The following APOH variants were observed in gnomAD, a reference collection of about 807,000 sequenced individuals.
APOH encodes apolipoprotein H, also known as beta-2-glycoprotein 1.
In APOH, 48 loss-of-function variants were observed where a neutral mutation model predicts 39.8. The ratio of observed to expected loss-of-function variants is 1.21; its 90% CI spans 0.96 to 1.54. APOH has a LOEUF of 1.54. Ranked by LOEUF, APOH falls within the 40% of genes most tolerant of loss-of-function variation. APOH has a pLI of 0.00. For missense variants in APOH, 415 were observed against 421.2 expected, an observed-to-expected ratio of 0.99 and a Z score of 0.13; for synonymous variants, 153 against 151.1, an observed-to-expected ratio of 1.01 and a Z score of -0.09.
chr17:66,222,037 A>G (rs926038157), intron 4 of APOH, among the ~76,000 whole-genome samples: 2 of 152,112 alleles, frequency 1.3e-5, no homozygotes, highest in African/African-American at 4.8e-5. Flanking sequence ...TATGAGAAAT[A>G]CTCATTTAAA....
At chr17:66,213,798 C>T (rs2073348598) in intron 7 of APOH, among the ~76,000 whole-genome samples, 1 of 152,012 alleles carries the variant, frequency 6.6e-6, no homozygotes, top group Non-Finnish European at 1.5e-5. Flanking sequence ...AATAGCTGGA[C>T]ATGGTGGTGC....
chr17:66,215,879 C>A lies in APOH; in HGVS notation c.784+909G>T, dbSNP rs146239499. Among the ~76,000 whole-genome samples the A allele has an allele frequency of 4.8e-3, 726 of 152,292 alleles. 5 individuals carry two copies. Among genetic ancestry groups the A allele is most frequent in the South Asian group, 8.3e-3 (40 of 4,816 alleles). ...CGGAAAAAGTAGGAATAGTTCCTGC[C>A]TTTCAGTTCCAATCTTCAGGAGTAT... On this transcript the variant is annotated intron_variant, in intron 6 of 7. Transcript: ENST00000205948.
chr17:66,225,107 A>G (rs2073432008), intron 3 of APOH, among the ~76,000 whole-genome samples: 1 of 152,066 alleles, frequency 6.6e-6, no homozygotes, highest in Non-Finnish European at 1.5e-5. Flanking sequence ...ATGTCTTCGA[A>G]GCCAATTTTC....
chr17:66,217,013 T>C, intron 5 of APOH, 46 bp from the exon 6 acceptor site: 2 of 1,438,484 alleles, frequency 1.4e-6, no homozygotes, highest in South Asian at 1.5e-5. Flanking sequence ...AATAGTGCTA[T>C]CCAATAGTCA....
At position 66,212,479 on chromosome 17, in the gene APOH, G is replaced by C. The variant is rs144707050; in HGVS notation, c.983-291C>G. On this transcript the variant is annotated intron_variant, in intron 7 of 7. Transcript: ENST00000205948. ...AGCTCACTGCAACCTCTACCTCCCA[G>C]GTTCAAGTGATTCTCCTGTCTCAGC... Among the ~76,000 whole-genome samples, 16 of 152,212 alleles carry C rather than the reference G, an allele frequency of 1.1e-4. No individual in the cohort carries two copies. The East Asian group carries it at 3.1e-3, about 29-fold the overall frequency.
intron 1 of APOH, 57 bp from the exon 2 acceptor site, chr17:66,228,253 A>T: frequency 6.4e-7 from 1 of 1,557,886 alleles, no homozygotes. Flanking sequence ...TTTAAAGTTC[A>T]GCTAAGCCCA....
chr17:66,219,916 G>GA (rs1298412287), intron 5 of APOH, among the ~76,000 whole-genome samples: 6 of 151,900 alleles, frequency 3.9e-5, no homozygotes, highest in South Asian at 2.1e-4. Context: ...TCAAAAAAAA[G>GA]AAAAAAACAA....
chr17:66,214,239 A>C (rs1250236851), intron 7 of APOH, among the ~76,000 whole-genome samples: 2 of 152,104 alleles, frequency 1.3e-5, no homozygotes, highest in Non-Finnish European at 2.9e-5. Flanking sequence ...TTGTATTTTT[A>C]GTAGAGACAG....
In APOH at chr17:66,220,698, G is replaced by C; in HGVS notation, c.460C>G (p.Arg154Gly). 6.2e-7 allele frequency: 1 copy of C among 1,614,040 alleles called. No homozygotes were observed. Among genetic ancestry groups the C allele is most frequent in the Non-Finnish European group, 8.5e-7 (1 of 1,179,976 alleles). ...PPSIPTFATL[R>G]VYKPSAGNNS... ...TTTCCAGCTGATGGCTTATAAACAC[G>C]AAGTGTTGCAAACGTAGGTATGGAT... The change falls in exon 5 of 8, where the codon CGT becomes GGT. Residue 154 changes from arginine to glycine, a missense_variant. Transcript: ENST00000205948.
chr17:66,219,071 T>C (rs2073382384), intron 5 of APOH, among the ~76,000 whole-genome samples: 1 of 152,026 alleles, frequency 6.6e-6, no homozygotes, highest in Non-Finnish European at 1.5e-5. Context: ...AAATTAAAGG[T>C]GTGATTCTTG....
At chr17:66,224,017 C>T (rs2073419499) in intron 3 of APOH, among the ~76,000 whole-genome samples, 1 of 152,176 alleles carries the variant, frequency 6.6e-6, no homozygotes, top group Non-Finnish European at 1.5e-5. Context: ...TTAAATCCCT[C>T]ATCTTTAAAG....
intron 6 of APOH, among the ~76,000 whole-genome samples, chr17:66,216,083 A>G (rs891769357): frequency 1.3e-5 from 2 of 150,422 alleles, no homozygotes; most frequent in Non-Finnish European, 3.0e-5. Flanking sequence ...ATCTGTAATC[A>G]CTCGAACCTG....
rs2073338845 is a variant in APOH, at chr17:66,212,034, G to A, written c.*99C>T. 4.0e-6 allele frequency: 4 copies of A among 998,204 alleles called. No individual in the cohort carries two copies. Among genetic ancestry groups the A allele is most frequent in the Middle Eastern group, 2.1e-4 (1 of 4,864 alleles). 61.8% of individuals were successfully genotyped at this position (998,204 alleles called of 1,614,324 possible). Reference sequence around the variant, plus strand: ...CCATGAAGCTAACACTGCAATGGGTGCGGCAATAAATTCAGTAGCTTTATT... The same window carrying A: ...CCATGAAGCTAACACTGCAATGGGTACGGCAATAAATTCAGTAGCTTTATT... On this transcript the variant is annotated 3_prime_UTR_variant, in exon 8 of 8. Coordinates refer to ENST00000205948, the MANE Select transcript of APOH (RefSeq NM_000042.3).
At position 66,214,549 on chromosome 17, in the gene APOH, C is replaced by G; in HGVS notation, c.886G>C (p.Val296Leu). Residue 296 changes from valine to leucine, a missense_variant, in exon 7 of 8, where the codon GTT (valine) becomes CTT (leucine). Coordinates refer to ENST00000205948, the MANE Select transcript of APOH (RefSeq NM_000042.3). Reference protein sequence around the residue: ...FKNGMLHGDKVSFFCKNKEKK... With the variant: ...FKNGMLHGDKLSFFCKNKEKK... ...TCCTTATTTTTGCAGAAGAAAGAAA[C>G]TTTATCACCATGTAGCATTCCATTC... is the stretch of plus-strand genomic sequence containing the variant. The G allele has an allele frequency of 1.9e-6, 3 of 1,613,962 alleles. No homozygotes were observed. Among genetic ancestry groups the G allele is most frequent in the Middle Eastern group, 1.6e-4 (1 of 6,062 alleles).
Position 66,212,084 on chromosome 17 carries a change from G to T in APOH, c.*49C>A. On this transcript the variant is annotated 3_prime_UTR_variant, in exon 8 of 8. Coordinates refer to ENST00000205948, the MANE Select transcript of APOH (RefSeq NM_000042.3). ...TTTTAAATTTCAATTAGGTTCCTTG[G>T]ATGAACAAGAAACAAGTGTGACATT... The T allele has an allele frequency of 6.7e-7, 1 of 1,485,764 alleles. No homozygotes were observed. The highest frequency in any genetic ancestry group is 1.4e-5 in the African/African-American group (1 of 72,004). The allele number at this position is 1,485,764 out of a possible 1,614,324, so 92.0% of individuals were successfully genotyped here.
intron 3 of APOH, among the ~76,000 whole-genome samples, chr17:66,225,357 G>A (rs934253184): frequency 1.3e-5 from 2 of 152,150 alleles, no homozygotes; most frequent in African/African-American, 4.8e-5. Flanking sequence ...ACAAGTGATT[G>A]CTTCCTGGGG....
chr17:66,228,329 A>C (rs1056211814), intron 1 of APOH, 133 bp from the exon 2 acceptor site: 2 of 841,476 alleles, frequency 2.4e-6, no homozygotes, highest in Non-Finnish European at 3.7e-6. Context: ...AATACCTCAT[A>C]TACACTATCT....
At chr17:66,217,543 G>A (rs970589674) in intron 5 of APOH, among the ~76,000 whole-genome samples, 2 of 152,094 alleles carry the variant, frequency 1.3e-5, no homozygotes, top group Non-Finnish European at 2.9e-5. Context: ...AGAAAGCAAG[G>A]CTGGAGCCAG....
intron 1 of APOH, 56 bp from the exon 2 acceptor site, chr17:66,228,252 C>A (rs2073451792): frequency 6.4e-7 from 1 of 1,556,984 alleles, no homozygotes; most frequent in South Asian, 1.2e-5. Flanking sequence ...TTTTAAAGTT[C>A]AGCTAAGCCC....
Sources: gnomAD v4.1 joint callset for allele counts (sites outside exome capture counted in the v4.1 genomes callset) on GRCh38, gnomAD v4.1.1 for gene constraint, MANE v1.5 for transcripts, NCBI Gene and HGNC (gene_info 2026-07-23, HGNC 2026-07-21) for gene names.